The following SORCS1 variants were observed in gnomAD, a reference collection of about 807,000 sequenced individuals.
The protein encoded by SORCS1 is sortilin related VPS10 domain containing receptor 1.
A neutral mutation model predicts 146.1 loss-of-function variants in SORCS1; 60 were observed. That is an observed-to-expected ratio of 0.41 (90% CI 0.33 to 0.51). SORCS1 has a LOEUF of 0.51. Among genes scored for constraint, SORCS1 ranks in the 20% least tolerant of loss-of-function variants. The pLI is 0.21. For missense variants in SORCS1, 1,352 were observed against 1,487.6 expected, an observed-to-expected ratio of 0.91 and a Z score of 1.50; for synonymous variants, 637 against 584.0, an observed-to-expected ratio of 1.09 and a Z score of -1.31.
intron 2 of SORCS1, among the ~76,000 whole-genome samples, chr10:106,932,173 G>C (rs1953453728): frequency 6.6e-6 from 1 of 151,840 alleles, no homozygotes; most frequent in Admixed American, 6.6e-5. Context: ...CATACACACT[G>C]GTAGAAGCAT....
Position 106,574,040 on chromosome 10 carries a change from T to C in SORCS1, c.*3380A>G, listed in dbSNP as rs1210829230. On this transcript the variant is annotated 3_prime_UTR_variant, in exon 26 of 26. Transcript: ENST00000263054. ...AAAATTAGAAGTAGTTCCAATACTA[T>C]AAGAAAACTTTTTTTTTTTTTAATT... 1 of 138,454 alleles carries C rather than the reference T, an allele frequency of 7.2e-6. No homozygotes were observed. The highest frequency in any genetic ancestry group is 1.5e-5 in the Non-Finnish European group (1 of 66,340). The allele number at this position is 138,454 out of a possible 1,614,324, so 8.6% of individuals were successfully genotyped here.
Position 107,077,243 on chromosome 10 carries a change from A to G in SORCS1, c.558+86726T>C, listed in dbSNP as rs150238299. Among the ~76,000 whole-genome samples the G allele has an allele frequency of 2.0e-3, 297 of 152,240 alleles. 1 individual carries two copies. The highest frequency in any genetic ancestry group is 2.7e-3 in the Non-Finnish European group (185 of 68,004). On this transcript the variant is annotated intron_variant, in intron 1 of 25. Transcript: ENST00000263054. ...TTTCTAGTTTTGAAAATAATTATTT[A>G]AGTAATCAAATCCTCAACATTGAAT...
chr10:106,877,407 A>G (rs2137659704), intron 2 of SORCS1, among the ~76,000 whole-genome samples: 1 of 149,902 alleles, frequency 6.7e-6, no homozygotes, highest in African/African-American at 2.5e-5. Flanking sequence ...ACATAGAAAG[A>G]CCCTGTTTCT....
intron 9 of SORCS1, among the ~76,000 whole-genome samples, chr10:106,689,105 A>G (rs1289601626): frequency 6.6e-6 from 1 of 152,210 alleles, no homozygotes; most frequent in Non-Finnish European, 1.5e-5. Flanking sequence ...TGTTTTTATA[A>G]CATGGTTGTT....
intron 5 of SORCS1, among the ~76,000 whole-genome samples, chr10:106,740,983 G>A (rs982217914): frequency 2.0e-5 from 3 of 152,196 alleles, no homozygotes; most frequent in Non-Finnish European, 4.4e-5. Context: ...CGAATAATAC[G>A]ATTGTTGTGA....
At chr10:106,767,270 C>T (rs544850346) in intron 4 of SORCS1, among the ~76,000 whole-genome samples, 3 of 152,228 alleles carry the variant, frequency 2.0e-5, no homozygotes, top group African/African-American at 7.2e-5. Flanking sequence ...ACTGCCCATT[C>T]CCCAGCTGTC....
intron 6 of SORCS1, among the ~76,000 whole-genome samples, chr10:106,710,479 G>A (rs1854900132): frequency 6.7e-6 from 1 of 150,306 alleles, no homozygotes; most frequent in Non-Finnish European, 1.5e-5. Flanking sequence ...AGTTCCTTGA[G>A]TTAAGACTTT....
chr10:106,675,657 A>G (rs1851971962), intron 13 of SORCS1, among the ~76,000 whole-genome samples: 1 of 152,196 alleles, frequency 6.6e-6, no homozygotes, highest in African/African-American at 2.4e-5. Context: ...GGCTCTTGAA[A>G]GCAAGAGAAG....
chr10:106,929,767 G>T (rs918503406), intron 2 of SORCS1, among the ~76,000 whole-genome samples: 1 of 125,808 alleles, frequency 7.9e-6, no homozygotes, highest in Non-Finnish European at 1.8e-5. Flanking sequence ...ACAGGCATGT[G>T]CACGTGCACA....
chr10:107,026,539 A>T (rs1468655015), intron 1 of SORCS1, among the ~76,000 whole-genome samples: 3 of 151,944 alleles, frequency 2.0e-5, no homozygotes, highest in Non-Finnish European at 4.4e-5. Context: ...AATGGCGTGA[A>T]CCCAGGAGGC....
chr10:106,941,042 G>A (rs990738593), intron 2 of SORCS1, among the ~76,000 whole-genome samples: 8 of 152,212 alleles, frequency 5.3e-5, no homozygotes, highest in African/African-American at 7.2e-5. Context: ...GACCCTGTTC[G>A]GGTTACCTCC....
At chr10:107,131,722 CAA>C (rs1039321701) in intron 1 of SORCS1, among the ~76,000 whole-genome samples, 6 of 152,160 alleles carry the variant, frequency 3.9e-5, no homozygotes, top group African/African-American at 1.4e-4. Flanking sequence ...GTCTCAAAAA[CAA>C]AAGTCTCTTT....
intron 2 of SORCS1, among the ~76,000 whole-genome samples, chr10:106,908,773 G>A (rs1331259514): frequency 6.6e-6 from 1 of 152,178 alleles, no homozygotes; most frequent in African/African-American, 2.4e-5. Context: ...AGGCTGCACA[G>A]CTCCGCTTTT....
At chr10:107,017,169 C>T (rs1335220991) in intron 1 of SORCS1, among the ~76,000 whole-genome samples, 12 of 152,124 alleles carry the variant, frequency 7.9e-5, no homozygotes, top group Non-Finnish European at 1.3e-4. Flanking sequence ...GACAAAAATG[C>T]ATATATTTGA....
chr10:106,799,851 T>C (rs1324584807), intron 3 of SORCS1, among the ~76,000 whole-genome samples: 2 of 152,198 alleles, frequency 1.3e-5, no homozygotes, highest in African/African-American at 4.8e-5. Context: ...GAACTAGAAA[T>C]ACCATTTGAG....
intron 1 of SORCS1, among the ~76,000 whole-genome samples, chr10:107,014,974 T>C (rs1006237198): frequency 1.3e-5 from 2 of 152,184 alleles, no homozygotes; most frequent in Non-Finnish European, 2.9e-5. Context: ...TAAGAGAATA[T>C]ATTACTGAAT....
chr10:106,695,328 C>T (rs185582536), intron 9 of SORCS1, among the ~76,000 whole-genome samples: 42 of 152,284 alleles, frequency 2.8e-4, no homozygotes, highest in African/African-American at 9.1e-4. Context: ...TTTTCTTCTT[C>T]CAGTCTTCTG....
chr10:106,701,138 G>T lies in SORCS1; in HGVS notation c.1234-1745C>A, dbSNP rs578143743. 3.0e-4 allele frequency among the ~76,000 whole-genome samples: 45 copies of T among 152,156 alleles called. No homozygotes were observed. In the South Asian group the frequency reaches 9.1e-3, roughly 31 times the overall value. On this transcript the variant is annotated intron_variant, in intron 8 of 25. Transcript: ENST00000263054. ...TTACAATACCTAATACAATGTAAAG[G>T]CTATGTAAATAGTTGTATCATTTAT...
intron 17 of SORCS1, among the ~76,000 whole-genome samples, chr10:106,655,670 T>A (rs1850230960): frequency 6.6e-6 from 1 of 152,224 alleles, no homozygotes; most frequent in South Asian, 2.1e-4. Flanking sequence ...GTAATTTTTT[T>A]AAATGCTCAT....
Sources: gnomAD v4.1 joint callset for allele counts (sites outside exome capture counted in the v4.1 genomes callset) on GRCh38, gnomAD v4.1.1 for gene constraint, MANE v1.5 for transcripts, NCBI Gene and HGNC (gene_info 2026-07-23, HGNC 2026-07-21) for gene names.